The following FAM120B variants were observed in gnomAD, a reference collection of about 807,000 sequenced individuals.
The protein encoded by FAM120B is family with sequence similarity 120 member B, also known as constitutive coactivator of peroxisome proliferator-activated receptor gamma.
In FAM120B, 83 loss-of-function variants were observed where a neutral mutation model predicts 96.3. The ratio of observed to expected loss-of-function variants is 0.86; its 90% CI spans 0.72 to 1.03. The LOEUF (loss-of-function observed/expected upper bound fraction) is 1.03. Among genes scored for constraint, FAM120B ranks in the 50% least tolerant of loss-of-function variants. The pLI is 0.00. For synonymous variants in FAM120B, 407 were observed against 402.7 expected (o/e 1.01, Z -0.13); for missense variants, 1,027 against 1,121.2 (o/e 0.92, Z 1.20).
intron 1 of FAM120B, among the ~76,000 whole-genome samples, chr6:170,311,435 A>G (rs972192095): frequency 2.6e-5 from 4 of 152,196 alleles, no homozygotes; most frequent in Non-Finnish European, 4.4e-5. Flanking sequence ...AGATTAAACT[A>G]CTTAATAGAG....
chr6:170,402,509 G>A (rs138894101), intron 9 of FAM120B, among the ~76,000 whole-genome samples: 8 of 152,344 alleles, frequency 5.3e-5, no homozygotes, highest in Admixed American at 3.9e-4. Context: ...GGAGCAGTGC[G>A]GGCACGCTGG....
chr6:170,318,663 G>A lies in FAM120B; in HGVS notation c.1273G>A (p.Val425Ile), dbSNP rs1258327741. The A allele has an allele frequency of 4.4e-6, 7 of 1,590,140 alleles. No individual in the cohort carries two copies. The highest frequency in any genetic ancestry group is 5.1e-6 in the Non-Finnish European group (6 of 1,167,054). ...TACAGGCCCTGAAGCCAGGCAAGAAGTTCCCATGTATACAGACTCTGAACC... is the reference window on the plus strand; with the variant it reads ...TACAGGCCCTGAAGCCAGGCAAGAAATTCCCATGTATACAGACTCTGAACC... ...MCTGPEARQE[V>I]PMYTDSEPRQ... Residue 425 changes from valine to isoleucine, a missense_variant, in exon 2 of 11, where the codon GTT becomes ATT. By Grantham distance (29) the Val-to-Ile change is conservative. This residue lies in a region of FAM120B where 880 missense variants were observed against 980.9 expected (regional missense o/e 0.90). Transcript: ENST00000476287.
intron 6 of FAM120B, among the ~76,000 whole-genome samples, chr6:170,379,289 A>C (rs1583294451): frequency 6.6e-6 from 1 of 152,376 alleles, no homozygotes; most frequent in East Asian, 1.9e-4. Flanking sequence ...TTTTGTTACC[A>C]ATAGAAATCA....
intron 8 of FAM120B, among the ~76,000 whole-genome samples, chr6:170,393,148 CAAAAAAA>C (rs66472378): frequency 2.5e-5 from 3 of 119,742 alleles, no homozygotes; most frequent in Admixed American, 9.1e-5. Context: ...CCTGTCTTTA[CAAAAAAA>C]AAAAAAAAAA....
intron 9 of FAM120B, among the ~76,000 whole-genome samples, chr6:170,396,339 C>T (rs1778160942): frequency 6.6e-6 from 1 of 152,144 alleles, no homozygotes; most frequent in African/African-American, 2.4e-5. Context: ...TGCATGGAGG[C>T]TGCGGGGCCG....
Position 170,318,787 on chromosome 6 carries a change from G to T in FAM120B, c.1397G>T (p.Gly466Val). ...AGGCAAGAAGTTCCCATGTATACAG[G>T]CCCTGAATCCAGGCAAGAAGTTCCC... ...EPRQEVPMYT[G>V]PESRQEVPMY... is the part of the protein sequence containing the mutation. Residue 466 changes from glycine to valine, a missense_variant, in exon 2 of 11, where the codon GGC becomes GTC. Physicochemically the swap from Gly to Val is moderately radical, Grantham distance 109. This residue lies in a region of FAM120B where 880 missense variants were observed against 980.9 expected (regional missense o/e 0.90). Transcript: ENST00000476287. The T allele has an allele frequency of 6.2e-7, 1 of 1,608,164 alleles. No individual in the cohort carries two copies. Among genetic ancestry groups the T allele is most frequent in the Non-Finnish European group, 8.5e-7 (1 of 1,178,194 alleles).
At chr6:170,326,941 C>T (rs186214168) in intron 3 of FAM120B, among the ~76,000 whole-genome samples, 272 of 152,158 alleles carry the variant, frequency 1.8e-3, no homozygotes, top group African/African-American at 6.1e-3. Flanking sequence ...GATAGGATCT[C>T]GCTATGTTAC....
chr6:170,365,778 C>G (rs982939103), intron 6 of FAM120B, among the ~76,000 whole-genome samples: 2 of 151,940 alleles, frequency 1.3e-5, no homozygotes, highest in African/African-American at 2.4e-5. Flanking sequence ...CCGCCTCCCC[C>G]ACAGGCTGCC....
At chr6:170,332,632 A>T (rs1346333357) in intron 4 of FAM120B, among the ~76,000 whole-genome samples, 2 of 152,042 alleles carry the variant, frequency 1.3e-5, no homozygotes, top group Non-Finnish European at 2.9e-5. Flanking sequence ...CTGGAGGCGG[A>T]GGTTGCAGTG....
intron 8 of FAM120B, among the ~76,000 whole-genome samples, chr6:170,394,283 G>A (rs886316149): frequency 3.9e-5 from 6 of 152,224 alleles, no homozygotes; most frequent in African/African-American, 7.2e-5. Context: ...CAGGCAAGTC[G>A]TGGCTTTTCT....
chr6:170,349,563 A>C (rs577041923), intron 5 of FAM120B, among the ~76,000 whole-genome samples: 27 of 152,330 alleles, frequency 1.8e-4, no homozygotes, highest in East Asian at 5.8e-4. Flanking sequence ...TTATTGCTTC[A>C]TTATTGGTTT....
At chr6:170,299,562 T>C (rs1784098093) in intron 1 of FAM120B, among the ~76,000 whole-genome samples, 1 of 152,274 alleles carries the variant, frequency 6.6e-6, no homozygotes. Flanking sequence ...CCTTTCAAGA[T>C]TCTCCATCCT....
chr6:170,328,343 A>G (rs962421262), intron 3 of FAM120B, among the ~76,000 whole-genome samples: 1 of 152,208 alleles, frequency 6.6e-6, no homozygotes, highest in African/African-American at 2.4e-5. Context: ...AGGATCATCA[A>G]GGCTTCACCA....
At chr6:170,398,322 G>C (rs1324141061) in intron 9 of FAM120B, among the ~76,000 whole-genome samples, 1 of 152,252 alleles carries the variant, frequency 6.6e-6, no homozygotes, top group African/African-American at 2.4e-5. Context: ...CAATAAGGAA[G>C]GTAGAACTAT....
At chr6:170,329,464 A>G (rs1451297201) in intron 3 of FAM120B, among the ~76,000 whole-genome samples, 5 of 151,428 alleles carry the variant, frequency 3.3e-5, no homozygotes, top group Non-Finnish European at 1.5e-5. Context: ...ACAAACGACC[A>G]CCCCCACTGT....
chr6:170,324,293 A>G (rs1248874736), intron 3 of FAM120B, among the ~76,000 whole-genome samples: 1 of 152,238 alleles, frequency 6.6e-6, no homozygotes, highest in Non-Finnish European at 1.5e-5. Context: ...AGCACCACCC[A>G]GCATGCACTG....
At chr6:170,381,752 T>A (rs1379709756) in intron 6 of FAM120B, among the ~76,000 whole-genome samples, 2 of 151,504 alleles carry the variant, frequency 1.3e-5, no homozygotes, top group Non-Finnish European at 2.9e-5. Context: ...AGTCACATGA[T>A]CATATGAATC....
intron 6 of FAM120B, among the ~76,000 whole-genome samples, chr6:170,373,282 T>C (rs1297308306): frequency 6.6e-6 from 1 of 152,204 alleles, no homozygotes; most frequent in African/African-American, 2.4e-5. Context: ...CTACTTTTAT[T>C]TACGAATTTT....
intron 6 of FAM120B, among the ~76,000 whole-genome samples, chr6:170,384,209 G>C (rs968192220): frequency 6.6e-6 from 1 of 152,144 alleles, no homozygotes; most frequent in African/African-American, 2.4e-5. Context: ...AACCCACCAG[G>C]TTTTGAAATT....
Sources: allele counts gnomAD v4.1 joint callset (sites outside exome capture counted in the v4.1 genomes callset), GRCh38; gene constraint gnomAD v4.1.1; regional missense constraint gnomAD v4.1.1; transcripts MANE v1.5; gene names NCBI Gene and HGNC (gene_info 2026-07-23, HGNC 2026-07-21).